The following STK3 variants were observed in gnomAD, a reference collection of about 807,000 sequenced individuals.
STK3 encodes serine/threonine-protein kinase 3.
In STK3, 41 loss-of-function variants were observed where a neutral mutation model predicts 58.0. The observed-to-expected ratio is 0.71, with a 90% CI of 0.55 to 0.92. The LOEUF (loss-of-function observed/expected upper bound fraction) is 0.92. Among genes scored for constraint, STK3 ranks in the 40% least tolerant of loss-of-function variants. The pLI is 0.00. For missense variants in STK3, 479 were observed against 602.7 expected, an observed-to-expected ratio of 0.79 and a Z score of 2.15; for synonymous variants, 170 against 191.0, an observed-to-expected ratio of 0.89 and a Z score of 0.91.
At chr8:98,461,964 T>C (rs1238669323) in intron 10 of STK3, among the ~76,000 whole-genome samples, 1 of 18 alleles carries the variant, frequency 0.056, no homozygotes, top group South Asian at 0.17. Flanking sequence ...ATTAAAACAC[T>C]TTTTTTTTTT....
At chr8:98,663,260 A>C (rs1822098208) in intron 6 of STK3, among the ~76,000 whole-genome samples, 1 of 152,238 alleles carries the variant, frequency 6.6e-6, no homozygotes. Flanking sequence ...GCCAAAAGAC[A>C]CATGAAAAAA....
chr8:98,390,152 G>A (rs1156330932), upstream of STK3, among the ~76,000 whole-genome samples: 1 of 152,086 alleles, frequency 6.6e-6, no homozygotes, highest in African/African-American at 2.4e-5. Flanking sequence ...GTTTTCATCT[G>A]GTATAATTTT....
chr8:98,935,777 C>A (rs1025814489), intron 1 of STK3, among the ~76,000 whole-genome samples: 6 of 152,118 alleles, frequency 3.9e-5, no homozygotes, highest in Non-Finnish European at 7.3e-5. Context: ...ATTTCTTCCC[C>A]TTGGTTTTCT....
intron 5 of STK3, 41 bp from the exon 6 acceptor site, chr8:98,706,675 C>T (rs1825984997): frequency 6.8e-7 from 1 of 1,479,690 alleles, no homozygotes; most frequent in East Asian, 2.5e-5. Flanking sequence ...ACTACAAAAG[C>T]ACAAAGGAAA....
the STK3 span, among the ~76,000 whole-genome samples, chr8:98,354,860 C>T: frequency 6.6e-6 from 1 of 152,224 alleles, no homozygotes; most frequent in Non-Finnish European, 1.5e-5. Flanking sequence ...TCAATGCAAC[C>T]TCCGCCTGCC....
chr8:98,862,292 T>C (rs3019290), intron 3 of STK3, among the ~76,000 whole-genome samples: 41,796 of 152,164 alleles, frequency 0.27, 6,320 homozygotes, highest in East Asian at 0.44. Context: ...AACACAGACA[T>C]TGGTTTCAAG....
chr8:98,395,175 G>T (rs551254919), intron 3 of STK3, among the ~76,000 whole-genome samples: 2 of 152,032 alleles, frequency 1.3e-5, no homozygotes, highest in African/African-American at 4.8e-5. Flanking sequence ...GGCATTGCTT[G>T]TTACTGAAGC....
At chr8:98,867,172 G>A (rs767477372) in intron 3 of STK3, among the ~76,000 whole-genome samples, 4 of 152,152 alleles carry the variant, frequency 2.6e-5, no homozygotes, top group African/African-American at 4.8e-5. Flanking sequence ...ATCCTAGCAC[G>A]TTGGGAGGCT....
chr8:98,347,897 T>C, the STK3 span, among the ~76,000 whole-genome samples: 1 of 152,186 alleles, frequency 6.6e-6, no homozygotes, highest in Non-Finnish European at 1.5e-5. Context: ...CAAGATATTT[T>C]GTAATATCAA....
At chr8:98,410,283 T>C (rs73703207) in intron 3 of STK3, among the ~76,000 whole-genome samples, 4,185 of 152,246 alleles carry the variant, frequency 0.027, 172 homozygotes, top group African/African-American at 0.093. Flanking sequence ...TGTGGACTCA[T>C]GTGAACGCCG....
At chr8:98,684,985 A>G (rs1351800066) in intron 6 of STK3, among the ~76,000 whole-genome samples, 2 of 152,142 alleles carry the variant, frequency 1.3e-5, no homozygotes, top group Non-Finnish European at 2.9e-5. Context: ...GTGTGTCTGT[A>G]CACATGTGCA....
At chr8:98,695,083 G>A (rs1331539904) in intron 6 of STK3, among the ~76,000 whole-genome samples, 1 of 152,204 alleles carries the variant, frequency 6.6e-6, no homozygotes, top group African/African-American at 2.4e-5. Flanking sequence ...GTTTTGGTTT[G>A]CATTTCTCTG....
At chr8:98,659,729 AAACT>A (rs1202570824) in intron 6 of STK3, among the ~76,000 whole-genome samples, 1 of 152,126 alleles carries the variant, frequency 6.6e-6, no homozygotes, top group East Asian at 1.9e-4. Context: ...ATATCTAAGA[AAACT>A]AATAAAATAA....
intron 1 of STK3, among the ~76,000 whole-genome samples, chr8:98,387,024 G>GTAAAACATAATTATAAAAAAAAA (rs1563589629): frequency 1.3e-5 from 2 of 152,034 alleles, no homozygotes; most frequent in Non-Finnish European, 2.9e-5. Context: ...AATTAATTAG[G>GTAAAACATAATTATAAAAAAAAA]AAAATGCAAT....
intron 6 of STK3, among the ~76,000 whole-genome samples, chr8:98,687,481 G>A (rs1824087711): frequency 6.6e-6 from 1 of 152,186 alleles, no homozygotes; most frequent in South Asian, 2.1e-4. Context: ...CTCCAGCTGT[G>A]TGACCCGGTT....
intron 8 of STK3, among the ~76,000 whole-genome samples, chr8:98,564,258 A>C (rs1474841960): frequency 6.6e-6 from 1 of 152,202 alleles, no homozygotes; most frequent in East Asian, 1.9e-4. Context: ...ACCAAAAACA[A>C]GGACATTCCG....
At chr8:98,379,850 T>C (rs1251630612) in intron 1 of STK3, among the ~76,000 whole-genome samples, 1 of 152,204 alleles carries the variant, frequency 6.6e-6, no homozygotes, top group Non-Finnish European at 1.5e-5. Context: ...AGAACTCCCA[T>C]GTTCATTGCA....
At chr8:98,369,611 A>C (rs1817592577), downstream of STK3, among the ~76,000 whole-genome samples, 13 of 152,174 alleles carry the variant, frequency 8.5e-5, no homozygotes, top group Admixed American at 8.5e-4. Flanking sequence ...TCTGCCTTGC[A>C]CTGGGAGCTC....
chr8:98,587,045 C>G (rs1300547063), intron 7 of STK3, among the ~76,000 whole-genome samples: 3 of 152,026 alleles, frequency 2.0e-5, no homozygotes, highest in African/African-American at 7.3e-5. Flanking sequence ...TTTCAAAAAA[C>G]CAGCTCCTGG....
Sources: gnomAD v4.1 joint callset for allele counts (sites outside exome capture counted in the v4.1 genomes callset) on GRCh38, gnomAD v4.1.1 for gene constraint, MANE v1.5 for transcripts, NCBI Gene and HGNC (gene_info 2026-07-23, HGNC 2026-07-21) for gene names.